ARIH1: variants seen among roughly 807,000 people sequenced by gnomAD.
The protein encoded by ARIH1 is ariadne RBR E3 ubiquitin protein ligase 1.
ARIH1 carries 8 observed loss-of-function variants against 85.0 expected under a neutral mutation model. The ratio of observed to expected loss-of-function variants is 0.09; its 90% CI spans 0.06 to 0.17. The LOEUF (loss-of-function observed/expected upper bound fraction) is 0.17. Among genes scored for constraint, ARIH1 ranks in the 10% least tolerant of loss-of-function variants. The pLI is 1.00. For synonymous variants in ARIH1, 238 were observed against 253.6 expected (o/e 0.94, Z 0.59); for missense variants, 311 against 718.1 (o/e 0.43, Z 6.48).
In ARIH1 at chr15:72,474,891, CGGCGGTGGT is replaced by C. The variant is rs1555483014; in HGVS notation, c.255_263del (p.Gly88_Gly90del). On this transcript the variant is annotated inframe_deletion, in exon 1 of 14. Transcript: ENST00000379887. Reference sequence around the variant, plus strand: ...CCGGCGGTGGCGGCGGCGGCGGCGGCGGCGGTGGTGGTGGCGGGCCGGGGCATGAGCAGG... The same window carrying C: ...CCGGCGGTGGCGGCGGCGGCGGCGGCGGTGGCGGGCCGGGGCATGAGCAGG... 2.1e-6 allele frequency: 3 copies of C among 1,429,462 alleles called. No homozygotes were observed. 88.5% of individuals were successfully genotyped at this position (1,429,462 alleles called of 1,614,324 possible). A position where few individuals can be genotyped will look rare whatever the true frequency, so the allele number is the denominator to read the frequency against.
At chr15:72,513,701 CTCCCTCCCTCCCTCCCCCTG>C (rs2063960102) in intron 1 of ARIH1, among the ~76,000 whole-genome samples, 1 of 75,714 alleles carries the variant, frequency 1.3e-5, no homozygotes, top group Non-Finnish European at 2.6e-5. Context: ...CCCTCCCCCT[CTCCCTCCCTCCCTCCCCCTG>C]TCCCTCCTTC....
chr15:72,524,303 A>G (rs1484464944), intron 2 of ARIH1, among the ~76,000 whole-genome samples: 11 of 148,918 alleles, frequency 7.4e-5, no homozygotes, highest in Admixed American at 6.7e-4. Context: ...CTGGAGTGCA[A>G]TGGTGCAATG....
chr15:72,581,708 G>A, intron 12 of ARIH1: 1 of 175,032 alleles, frequency 5.7e-6, no homozygotes, highest in Non-Finnish European at 1.2e-5. Context: ...TAAGAAATAA[G>A]TATAGCCAGA....
chr15:72,581,966 A>G (rs571293019), intron 12 of ARIH1, 109 bp from the exon 13 acceptor site: 1 of 670,722 alleles, frequency 1.5e-6, no homozygotes, highest in South Asian at 2.0e-5. Flanking sequence ...ACCACCTATG[A>G]AAGTTACAGA....
rs117375536 is a variant in ARIH1, at chr15:72,500,996, C to A, written c.376-17071C>A. Among the ~76,000 whole-genome samples, 29 of 152,262 alleles carry A rather than the reference C, an allele frequency of 1.9e-4. No homozygotes were observed. The East Asian group carries it at 5.6e-3, about 29-fold the overall frequency. On this transcript the variant is annotated intron_variant, in intron 1 of 13. Coordinates refer to ENST00000379887, the MANE Select transcript of ARIH1 (RefSeq NM_005744.5). ...AATATCGTCAGGAAGTTTATGTAGA[C>A]GTGTTCTTAGACCAAATATACACTA...
intron 1 of ARIH1, among the ~76,000 whole-genome samples, chr15:72,477,988 G>C (rs1250596868): frequency 6.6e-6 from 1 of 152,026 alleles, no homozygotes; most frequent in African/African-American, 2.4e-5. Context: ...GCTAATTCTT[G>C]TGTTACAGGG....
chr15:72,474,888 C>T lies in ARIH1; in HGVS notation c.249C>T (p.Gly83=), dbSNP rs1271636024. The change falls in exon 1 of 14, where the codon GGC becomes GGT. Residue 83 remains glycine (G), a synonymous_variant. Transcript: ENST00000379887. ...GGCCCGGCGGTGGCGGCGGCGGCGG[C>T]GGCGGCGGTGGTGGTGGCGGGCCGG... ...ALGPGGGGGG[G]GGGGGGGPGH... is the part of the protein sequence containing the mutation. 2.8e-6 allele frequency: 4 copies of T among 1,428,008 alleles called. No homozygotes were observed. In the South Asian group the frequency reaches 4.6e-5, roughly 16 times the overall value. 88.5% of individuals were successfully genotyped at this position (1,428,008 alleles called of 1,614,324 possible).
chr15:72,562,407 C>T (rs958489172), intron 6 of ARIH1, among the ~76,000 whole-genome samples: 2 of 152,098 alleles, frequency 1.3e-5, no homozygotes, highest in Non-Finnish European at 2.9e-5. Flanking sequence ...TCTTTTAATT[C>T]TAGAAAGTAA....
At chr15:72,524,514 A>C (rs1298164886) in intron 2 of ARIH1, among the ~76,000 whole-genome samples, 14 of 152,206 alleles carry the variant, frequency 9.2e-5, no homozygotes, top group Admixed American at 9.2e-4. Flanking sequence ...AAGCTGGTCC[A>C]CTTTTACATA....
At position 72,592,362 on chromosome 15, in the gene ARIH1, TAA is replaced by T. The variant is rs2064346616; in HGVS notation, c.*9072_*9073del. The T allele has an allele frequency of 6.6e-6, 1 of 152,230 alleles. No individual in the cohort carries two copies. Among genetic ancestry groups the T allele is most frequent in the Non-Finnish European group, 1.5e-5 (1 of 68,042 alleles). The allele number at this position is 152,230 out of a possible 1,614,324, so 9.4% of individuals were successfully genotyped here. On this transcript the variant is annotated 3_prime_UTR_variant, in exon 14 of 14. Transcript: ENST00000379887. ...CTGAAGCAAAGAGATAATAGGCCAG[TAA>T]AGAGTGGGAGACAAACACTCCTGGA...
At chr15:72,540,674 C>G (rs1474302908) in intron 2 of ARIH1, among the ~76,000 whole-genome samples, 2 of 152,020 alleles carry the variant, frequency 1.3e-5, no homozygotes, top group Non-Finnish European at 2.9e-5. Context: ...GCTATAAACT[C>G]CAAGCCACAT....
Position 72,519,475 on chromosome 15 carries a change from GTTTTTTTTTTTTT to G in ARIH1, c.443+1354_443+1366del, listed in dbSNP as rs150165121. 3.2e-5 allele frequency among the ~76,000 whole-genome samples: 2 copies of G among 62,544 alleles called. 1 individual carries two copies. Among genetic ancestry groups the G allele is most frequent in the Admixed American group, 4.7e-4 (2 of 4,216 alleles). 41.0% of individuals were successfully genotyped at this position (62,544 alleles called of 152,430 possible). ...TATGCATTCTGACCATGTTTTTTTTGTTTTTTTTTTTTTTTTTTTTTTTTTGAGACGGAGTTTC... is the reference window on the plus strand; with the variant it reads ...TATGCATTCTGACCATGTTTTTTTTGTTTTTTTTTTTTGAGACGGAGTTTC... On this transcript the variant is annotated intron_variant, in intron 2 of 13. Transcript: ENST00000379887.
chr15:72,544,392 T>TA (rs2064120111), intron 2 of ARIH1, among the ~76,000 whole-genome samples: 1 of 152,208 alleles, frequency 6.6e-6, no homozygotes, highest in Non-Finnish European at 1.5e-5. Context: ...TGTAAAATAT[T>TA]ACTCTTCATA....
chr15:72,538,346 T>C (rs1461496522), intron 2 of ARIH1, among the ~76,000 whole-genome samples: 1 of 152,070 alleles, frequency 6.6e-6, no homozygotes, highest in East Asian at 1.9e-4. Flanking sequence ...AGAGAGAGAC[T>C]TTGTCTCCCT....
rs941957516 is a variant in ARIH1 at position 72,592,275 on chromosome 15, C to T, written c.*8983C>T. The T allele has an allele frequency of 1.7e-4, 26 of 152,162 alleles. No homozygotes were observed. Among genetic ancestry groups the T allele is most frequent in the African/African-American group, 6.3e-4 (26 of 41,434 alleles). The allele number at this position is 152,162 out of a possible 1,614,324, so 9.4% of individuals were successfully genotyped here. A position where few individuals can be genotyped will look rare whatever the true frequency, so the allele number is the denominator to read the frequency against. On this transcript the variant is annotated 3_prime_UTR_variant, in exon 14 of 14. Coordinates refer to ENST00000379887, the MANE Select transcript of ARIH1 (RefSeq NM_005744.5). ...TCTCTGGGACACTGGATTGTGTGCT[C>T]TTTAAGATAAATTCCATAATCAAGG...
intron 11 of ARIH1, 166 bp downstream of exon 11, chr15:72,572,331 G>A (rs1385152938): frequency 1.5e-5 from 7 of 473,722 alleles, no homozygotes; most frequent in South Asian, 3.0e-5. Context: ...TCCACCTCCT[G>A]GGTTCAAGTG....
chr15:72,557,546 A>G (rs894837993), intron 5 of ARIH1, among the ~76,000 whole-genome samples: 2 of 152,100 alleles, frequency 1.3e-5, no homozygotes, highest in Non-Finnish European at 2.9e-5. Flanking sequence ...GAAGCTCATT[A>G]GTTTAATTAA....
chr15:72,522,300 G>A (rs2064003721), intron 2 of ARIH1, among the ~76,000 whole-genome samples: 1 of 152,186 alleles, frequency 6.6e-6, no homozygotes, highest in Admixed American at 6.5e-5. Flanking sequence ...GCTCACATGA[G>A]GCCAGGAGTT....
At chr15:72,503,171 AAT>A (rs925049823) in intron 1 of ARIH1, among the ~76,000 whole-genome samples, 1 of 152,160 alleles carries the variant, frequency 6.6e-6, no homozygotes, top group Non-Finnish European at 1.5e-5. Context: ...TGACAATTAT[AAT>A]ATATATGTGG....
Sources: gnomAD v4.1 joint callset for allele counts (sites outside exome capture counted in the v4.1 genomes callset) on GRCh38, gnomAD v4.1.1 for gene constraint, MANE v1.5 for transcripts, NCBI Gene and HGNC (gene_info 2026-07-23, HGNC 2026-07-21) for gene names.